The following RHEX variants were observed in gnomAD, a reference collection of about 807,000 sequenced individuals.
RHEX encodes regulator of hemoglobinization and erythroid cell expansion.
In RHEX, 18 loss-of-function variants were observed where a neutral mutation model predicts 20.1. The ratio of observed to expected loss-of-function variants is 0.90; its 90% CI spans 0.62 to 1.33. The LOEUF (loss-of-function observed/expected upper bound fraction) is 1.33. RHEX is among the 40% of genes most tolerant of loss of function. The pLI, the probability that RHEX is intolerant of heterozygous loss-of-function variation, is 0.00. For missense variants in RHEX, 192 were observed against 214.3 expected (o/e 0.90, Z 0.65); for synonymous variants, 87 against 77.1 (o/e 1.13, Z -0.67).
chr1:206,053,632 G>A (rs1662115580), intron 1 of RHEX, among the ~76,000 whole-genome samples: 1 of 152,234 alleles, frequency 6.6e-6, no homozygotes, highest in South Asian at 2.1e-4. Context: ...GGAGATTACA[G>A]TGTTACTGTG....
At chr1:206,056,125 T>C (rs939575797) in intron 1 of RHEX, among the ~76,000 whole-genome samples, 2 of 152,206 alleles carry the variant, frequency 1.3e-5, no homozygotes, top group Non-Finnish European at 2.9e-5. Flanking sequence ...GCCACCTTCC[T>C]CCCGGTGTCA....
intron 1 of RHEX, among the ~76,000 whole-genome samples, chr1:206,066,236 A>G (rs1380763631): frequency 2.9e-4 from 44 of 152,238 alleles, no homozygotes; most frequent in Non-Finnish European, 7.3e-5. Flanking sequence ...TCTATTAACT[A>G]GACATTCCCC....
intron 1 of RHEX, among the ~76,000 whole-genome samples, chr1:206,059,343 T>C (rs1178772674): frequency 2.0e-5 from 3 of 152,176 alleles, no homozygotes; most frequent in East Asian, 1.9e-4. Flanking sequence ...GGAAGGGAGC[T>C]GTTAGGATAC....
intron 1 of RHEX, among the ~76,000 whole-genome samples, chr1:206,054,672 G>A (rs1236217140): frequency 6.6e-6 from 1 of 152,226 alleles, no homozygotes; most frequent in Non-Finnish European, 1.5e-5. Flanking sequence ...GTTAAAAAGA[G>A]TCTATAAAAT....
chr1:206,076,643 GT>G (rs1553285298), intron 1 of RHEX, among the ~76,000 whole-genome samples: 7 of 152,184 alleles, frequency 4.6e-5, no homozygotes, highest in Non-Finnish European at 1.0e-4. Context: ...TCCCCCAAAT[GT>G]GACTTCATTA....
rs550225362 is a variant in RHEX at position 206,059,586 on chromosome 1, G to A, written c.-97+6321G>A. Among the ~76,000 whole-genome samples, 6 of 152,144 alleles carry A rather than the reference G, an allele frequency of 3.9e-5. No individual in the cohort carries two copies. In the East Asian group the frequency reaches 1.2e-3, roughly 29 times the overall value. ...GAATCATGCAGCTTCACTTTATGGG[G>A]AAGAAACAGGAAGGAGACTGAATGC... On this transcript the variant is annotated intron_variant, in intron 1 of 5. Coordinates refer to ENST00000331555, the MANE Select transcript of RHEX (RefSeq NM_001007544.4).
chr1:206,054,097 TAA>T (rs72482039), intron 1 of RHEX, among the ~76,000 whole-genome samples: 12 of 132,310 alleles, frequency 9.1e-5, no homozygotes, highest in Admixed American at 7.4e-5. Context: ...AAGTTTGCTT[TAA>T]AAAAAAAAAA....
At chr1:206,066,043 C>T (rs1662416059) in intron 1 of RHEX, among the ~76,000 whole-genome samples, 1 of 152,224 alleles carries the variant, frequency 6.6e-6, no homozygotes. Context: ...CACCTTTGGT[C>T]CCTCCAGGGA....
chr1:206,057,929 C>T (rs1213006835), intron 1 of RHEX, among the ~76,000 whole-genome samples: 1 of 152,280 alleles, frequency 6.6e-6, no homozygotes, highest in Non-Finnish European at 1.5e-5. Flanking sequence ...CAAGCCTTGA[C>T]TGTTCTTGCC....
rs1553288514 is a variant in RHEX at position 206,101,983 on chromosome 1, T to C, written c.*31T>C. On this transcript the variant is annotated 3_prime_UTR_variant, in exon 6 of 6. Coordinates refer to ENST00000331555, the MANE Select transcript of RHEX (RefSeq NM_001007544.4). ...AAATATTTTTAATGGGGTCCAGTTCTCTATGGATTCTTACATTTAATTTGT... is the reference window on the plus strand; with the variant it reads ...AAATATTTTTAATGGGGTCCAGTTCCCTATGGATTCTTACATTTAATTTGT... The C allele has an allele frequency of 1.3e-6, 2 of 1,498,788 alleles. No homozygotes were observed. The highest frequency in any genetic ancestry group is 1.9e-6 in the Non-Finnish European group (2 of 1,076,836). The allele number at this position is 1,498,788 out of a possible 1,614,324, so 92.8% of individuals were successfully genotyped here.
intron 1 of RHEX, among the ~76,000 whole-genome samples, chr1:206,079,550 A>G (rs1301628211): frequency 6.6e-6 from 1 of 152,116 alleles, no homozygotes; most frequent in African/African-American, 2.4e-5. Flanking sequence ...TTAGATCAGC[A>G]AGGCATTTTT....
At chr1:206,088,839 G>A (rs1297162256) in intron 1 of RHEX, among the ~76,000 whole-genome samples, 1 of 147,842 alleles carries the variant, frequency 6.8e-6, no homozygotes, top group Non-Finnish European at 1.5e-5. Flanking sequence ...TTTTTTTTTT[G>A]AGACAGGGTC....
At chr1:206,062,830 C>T (rs934326370) in intron 1 of RHEX, among the ~76,000 whole-genome samples, 2 of 152,208 alleles carry the variant, frequency 1.3e-5, no homozygotes, top group African/African-American at 4.8e-5. Context: ...TTGATTTACT[C>T]CTTCTTTTCG....
intron 4 of RHEX, 123 bp downstream of exon 4, chr1:206,099,921 C>A (rs1180462941): frequency 5.9e-6 from 5 of 841,102 alleles, no homozygotes; most frequent in Middle Eastern, 2.5e-4. Flanking sequence ...CTCACAGCCA[C>A]ATCAGGACAG....
chr1:206,097,991 A>G, intron 2 of RHEX, 90 bp from the exon 3 acceptor site: 1 of 1,219,470 alleles, frequency 8.2e-7, no homozygotes, highest in South Asian at 1.2e-5. Flanking sequence ...GCAATGCCAG[A>G]TGTCTGCCTC....
chr1:206,097,056 C>A (rs782787586), intron 1 of RHEX, among the ~76,000 whole-genome samples: 48 of 152,246 alleles, frequency 3.2e-4, no homozygotes, highest in South Asian at 2.1e-4. Flanking sequence ...ATTACAGGGG[C>A]AAGCCATCCT....
At chr1:206,072,897 T>A (rs565962577) in intron 1 of RHEX, among the ~76,000 whole-genome samples, 9 of 148,768 alleles carry the variant, frequency 6.0e-5, no homozygotes, top group Admixed American at 5.4e-4. Flanking sequence ...AGTGGTGTGA[T>A]CACAGCTCAC....
chr1:206,077,509 C>T (rs973421612), intron 1 of RHEX, among the ~76,000 whole-genome samples: 1 of 152,098 alleles, frequency 6.6e-6, no homozygotes, highest in Non-Finnish European at 1.5e-5. Flanking sequence ...TGGTGGCTCA[C>T]ATCTGTAATC....
At chr1:206,053,552 A>G (rs1024742640) in intron 1 of RHEX, among the ~76,000 whole-genome samples, 5 of 152,154 alleles carry the variant, frequency 3.3e-5, no homozygotes, top group Admixed American at 6.5e-5. Context: ...TCGAAGAAGC[A>G]TGGGTCAGGT....
Sources: allele counts gnomAD v4.1 joint callset (sites outside exome capture counted in the v4.1 genomes callset), GRCh38; gene constraint gnomAD v4.1.1; transcripts MANE v1.5; gene names NCBI Gene and HGNC (gene_info 2026-07-23, HGNC 2026-07-21).